The following CP variants were observed in gnomAD, a reference collection of about 807,000 sequenced individuals.
The protein encoded by CP is ceruloplasmin, also known as caeruloplasmin.
CP carries 64 observed loss-of-function variants against 122.4 expected under a neutral mutation model. The ratio of observed to expected loss-of-function variants is 0.52; its 90% confidence interval spans 0.43 to 0.64. The LOEUF is 0.64. CP is among the 30% of genes least tolerant of loss of function. CP has a pLI of 0.00. For synonymous variants in CP, 440 were observed against 436.4 expected (o/e 1.01, Z -0.10); for missense variants, 1,167 against 1,284.4 (o/e 0.91, Z 1.40).
chr3:149,171,957 G>A (rs536960432), downstream of CP: 82 of 671,248 alleles, frequency 1.2e-4, 1 homozygote, highest in Middle Eastern at 3.1e-3. Context: ...TGCCCACCTC[G>A]GCCTCCCAAA....
exon 5 of CP, chr3:149,166,049 T>G (rs1348742413): frequency 2.2e-6 from 1 of 455,746 alleles, no homozygotes; most frequent in Non-Finnish European, 4.4e-6. Context: ...TCTCAGAAGA[T>G]GCTGTAGCAA....
In CP at chr3:149,178,580, AG is replaced by A. The variant is rs762368526; in HGVS notation, c.2712del (p.Leu905Ter). ...IGPLIVCRRP[Y>X]LKVFNPRRKL... Reference sequence around the variant, plus strand: ...TTCCTTCTGGGATTGAATACTTTCAAGTAAGGTCTTCGACAAACAATCAGGG... The same window carrying A: ...TTCCTTCTGGGATTGAATACTTTCAATAAGGTCTTCGACAAACAATCAGGG... On this transcript the variant is annotated frameshift_variant, in exon 16 of 19. Transcript: ENST00000264613. LOFTEE classifies it high-confidence loss of function. The A allele has an allele frequency of 6.2e-7, 1 of 1,613,802 alleles. No individual in the cohort carries two copies. The highest frequency in any genetic ancestry group is 1.1e-5 in the South Asian group (1 of 91,064).
chr3:149,175,586 AAGACC>A (rs1371463626), intron 18 of CP, among the ~76,000 whole-genome samples: 1 of 152,008 alleles, frequency 6.6e-6, no homozygotes. Flanking sequence ...CTCAACTCGA[AAGACC>A]CAGGAAAGAC....
chr3:149,199,496 A>G (rs1727151737), intron 8 of CP, among the ~76,000 whole-genome samples: 1 of 152,222 alleles, frequency 6.6e-6, no homozygotes, highest in African/African-American at 2.4e-5. Flanking sequence ...TACTATCAGG[A>G]TTGTCAATAA....
At chr3:149,206,071 A>G in intron 6 of CP, 97 bp downstream of exon 6, 1 of 1,114,144 alleles carries the variant, frequency 9.0e-7, no homozygotes. Flanking sequence ...TCAATTTCAG[A>G]TACCAATTAA....
chr3:149,167,314 C>A lies in CP; in HGVS notation c.587-1264G>T, dbSNP rs1201655224. The A allele has an allele frequency of 8.6e-6, 10 of 1,166,798 alleles. No individual in the cohort carries two copies. In the East Asian group the frequency reaches 2.0e-4, roughly 24 times the overall value. The allele number at this position is 1,166,798 out of a possible 1,614,324, so 72.3% of individuals were successfully genotyped here. ...TCTGATAACCTCATTTCCTTTCCTG[C>A]AAAATGGGGACAATTTATGCTAATC... On this transcript the variant is annotated intron_variant, in intron 4 of 5. Coordinates refer to the CP transcript ENST00000479771.
intron 13 of CP, 119 bp downstream of exon 13, chr3:149,183,347 A>T: frequency 9.7e-7 from 1 of 1,027,286 alleles, no homozygotes; most frequent in Admixed American, 2.2e-5. Context: ...TTAAATTTTT[A>T]TTTGAACAAC....
intron 17 of CP, among the ~76,000 whole-genome samples, chr3:149,177,366 G>A (rs1725484977): frequency 6.6e-6 from 1 of 152,168 alleles, no homozygotes; most frequent in Admixed American, 6.5e-5. Flanking sequence ...AGCTCAATGT[G>A]TAACAAAGGC....
intron 4 of CP, chr3:149,166,996 G>A (rs1349716261): frequency 7.4e-6 from 11 of 1,493,608 alleles, no homozygotes; most frequent in Non-Finnish European, 1.0e-5. Context: ...AGTTTTTGAG[G>A]TGCCTCATTT....
In CP at chr3:149,213,491, A is replaced by G. The variant is rs1291679384; in HGVS notation, c.147-793T>C. Among the ~76,000 whole-genome samples, 3 of 152,348 alleles carry G rather than the reference A, an allele frequency of 2.0e-5. No homozygotes were observed. In the South Asian group the frequency reaches 6.2e-4, roughly 32 times the overall value. ...TTTCTTGTGTTATCAACCTTAACTG[A>G]AGGCTTATATAGCCCAGTGGGATCT... is the stretch of plus-strand genomic sequence containing the variant. On this transcript the variant is annotated intron_variant, in intron 1 of 18. Transcript: ENST00000264613.
At position 149,209,365 on chromosome 3, in the gene CP, T is replaced by C. The variant is rs1375453822; in HGVS notation, c.627A>G (p.Lys209=). ...CAAATTCTCGGTCAATATGTTTTTC[T>C]TTTTCTTTATCTAGAGAATCTGGAG... The part of the protein sequence containing the change: ...ICKKDSLDKE[K]EKHIDREFVV... The change falls in exon 4 of 19, where the codon AAA becomes AAG. Residue 209 remains lysine, a synonymous_variant. Transcript: ENST00000264613. The C allele has an allele frequency of 6.2e-7, 1 of 1,613,582 alleles. No individual in the cohort carries two copies. The highest frequency in any genetic ancestry group is 8.5e-7 in the Non-Finnish European group (1 of 1,179,656).
At position 149,199,686 on chromosome 3, in the gene CP, T is replaced by A. The variant is rs747288629; in HGVS notation, c.1501+26A>T. ...ACAGTGGGTTATTAAACATTGTTGA[T>A]TTGTTACACAGTGCTGTATACTCAC... is the stretch of plus-strand genomic sequence containing the variant. On this transcript the variant is annotated intron_variant, in intron 8 of 18. Transcript: ENST00000264613. 2.2e-5 allele frequency: 36 copies of A among 1,613,434 alleles called. No individual in the cohort carries two copies. The South Asian group carries it at 3.8e-4, about 17-fold the overall frequency.
chr3:149,192,493 C>A (rs1245134701), intron 9 of CP, among the ~76,000 whole-genome samples: 50 of 143,672 alleles, frequency 3.5e-4, no homozygotes, highest in African/African-American at 3.4e-4. Flanking sequence ...ATACAAAAGG[C>A]AAAAAAAAAA....
chr3:149,188,151 C>A lies in CP; in HGVS notation c.1765G>T (p.Glu589Ter). The change falls in exon 10 of 19, where the codon GAG becomes TAG. Residue 589 changes from glutamate (E) to a stop codon, truncating the protein, a stop_gained. Coordinates refer to ENST00000264613, the MANE Select transcript of CP (RefSeq NM_000096.4). LOFTEE classifies it high-confidence loss of function. Reference protein sequence around the residue: ...YLFPTVFDENESLLLEDNIRM... With the variant: ...YLFPTVFDEN ...ATATTATCTTCCAGGAGTAAACTCT[C>A]ATTCTCATCAAATACTGTAGGAAAC... 6.2e-7 allele frequency: 1 copy of A among 1,612,844 alleles called. No homozygotes were observed. The highest frequency in any genetic ancestry group is 8.5e-7 in the Non-Finnish European group (1 of 1,179,546).
rs1301354650 is a variant in CP, at chr3:149,198,387, A to G, written c.1693T>C (p.Leu565=). Residue 565 remains leucine, a synonymous_variant, in exon 9 of 19, where the codon TTA becomes CTA. Transcript: ENST00000264613. ...GPMKICKKGS[L]HANGRQKDVD... is the part of the protein sequence containing the mutation. ...CTTACCTGTCTCCCATTTGCATGTAAACTTCCTTTCTTGCATATTTTCATT... is the reference window on the plus strand; with the variant it reads ...CTTACCTGTCTCCCATTTGCATGTAGACTTCCTTTCTTGCATATTTTCATT... The G allele has an allele frequency of 6.2e-7, 1 of 1,613,728 alleles. No homozygotes were observed. Among genetic ancestry groups the G allele is most frequent in the African/African-American group, 1.3e-5 (1 of 74,900 alleles).
At chr3:149,166,407 T>C (rs1308236171) in intron 4 of CP, among the ~76,000 whole-genome samples, 1 of 152,234 alleles carries the variant, frequency 6.6e-6, no homozygotes, top group Non-Finnish European at 1.5e-5. Flanking sequence ...TCCCATCCTG[T>C]GTGCTGTTTC....
chr3:149,185,142 CTT>C (rs199855004), intron 12 of CP, 95 bp downstream of exon 12: 62 of 888,344 alleles, frequency 7.0e-5, no homozygotes, highest in Middle Eastern at 3.8e-4. Flanking sequence ...TTTAATGCAA[CTT>C]TTTTTTTTTT....
intron 14 of CP, among the ~76,000 whole-genome samples, chr3:149,181,529 T>A (rs573316911): frequency 1.5e-4 from 23 of 152,324 alleles, no homozygotes; most frequent in African/African-American, 5.5e-4. Context: ...CCTATGTATA[T>A]AATCTGTTCA....
rs577956732 is a variant in CP at position 149,201,585 on chromosome 3, GT to G, written c.1348+516del. Among the ~76,000 whole-genome samples the G allele has an allele frequency of 1.1e-4, 16 of 151,748 alleles. No individual in the cohort carries two copies. The East Asian group carries it at 3.1e-3, about 30-fold the overall frequency. On this transcript the variant is annotated intron_variant, in intron 7 of 18. Coordinates refer to ENST00000264613, the MANE Select transcript of CP (RefSeq NM_000096.4). Reference sequence around the variant, plus strand: ...TGAAGTCAGGTCAGCATGGGTTTTTGTTTGTTTGTTTGTTTTGTTTTTTGAG... The same window carrying G: ...TGAAGTCAGGTCAGCATGGGTTTTTGTTGTTTGTTTGTTTTGTTTTTTGAG...
Sources: gnomAD v4.1 joint callset for allele counts (sites outside exome capture counted in the v4.1 genomes callset) on GRCh38, gnomAD v4.1.1 for gene constraint, MANE v1.5 for transcripts, NCBI Gene and HGNC (gene_info 2026-07-23, HGNC 2026-07-21) for gene names.